The following EXOC4 variants were observed in gnomAD, a reference collection of about 807,000 sequenced individuals.
EXOC4 encodes SEC8-like 1.
EXOC4 carries 71 observed loss-of-function variants against 107.2 expected under a neutral mutation model. The observed-to-expected ratio is 0.66, with a 90% CI of 0.55 to 0.81. EXOC4 has a LOEUF of 0.81. Among genes scored for constraint, EXOC4 ranks in the 30% least tolerant of loss-of-function variants. The probability of loss-of-function intolerance (pLI) is 0.00; values close to 1 mark genes in which losing one functional copy is unlikely to be tolerated. For missense variants in EXOC4, 1,108 were observed against 1,189.6 expected, an observed-to-expected ratio of 0.93 and a Z score of 1.01; for synonymous variants, 456 against 441.2, an observed-to-expected ratio of 1.03 and a Z score of -0.42.
At chr7:133,575,674 G>C (rs1043347127) in intron 9 of EXOC4, among the ~76,000 whole-genome samples, 1 of 152,166 alleles carries the variant, frequency 6.6e-6, no homozygotes, top group Admixed American at 6.5e-5. Context: ...GCACAGCAAA[G>C]CAAAGAGGGT....
intron 11 of EXOC4, among the ~76,000 whole-genome samples, chr7:133,870,244 C>T (rs1024256571): frequency 2.0e-5 from 3 of 152,148 alleles, no homozygotes; most frequent in African/African-American, 7.2e-5. Flanking sequence ...TCACACACAT[C>T]TCCCTACCTC....
chr7:133,983,464 T>G (rs1025382514), intron 14 of EXOC4, among the ~76,000 whole-genome samples: 1 of 152,224 alleles, frequency 6.6e-6, no homozygotes, highest in South Asian at 2.1e-4. Context: ...ACTGCTTTAG[T>G]TCTATTTCCG....
At chr7:133,380,821 A>G (rs1796602744) in intron 7 of EXOC4, among the ~76,000 whole-genome samples, 1 of 152,234 alleles carries the variant, frequency 6.6e-6, no homozygotes, top group South Asian at 2.1e-4. Flanking sequence ...ACAGAGAAAG[A>G]ACATAGAACT....
At chr7:133,954,738 G>A (rs530376840) in intron 14 of EXOC4, among the ~76,000 whole-genome samples, 7 of 152,318 alleles carry the variant, frequency 4.6e-5, no homozygotes, top group African/African-American at 9.6e-5. Context: ...TTGTGCTACC[G>A]GCCTGGATCC....
chr7:133,938,085 G>A lies in EXOC4; in HGVS notation c.2206+16G>A, dbSNP rs755664448. 3 of 1,613,692 alleles carry A rather than the reference G, an allele frequency of 1.9e-6. No homozygotes were observed. The Admixed American group carries it at 5.0e-5, about 27-fold the overall frequency. ...ACATCCCAGAGTAAGTATCTAGTAG[G>A]AAGCTGTTGTGGGGACAGTTGAGGA... is the stretch of plus-strand genomic sequence containing the variant. On this transcript the variant is annotated intron_variant, in intron 14 of 17. Coordinates refer to ENST00000253861, the MANE Select transcript of EXOC4 (RefSeq NM_021807.4).
At chr7:133,934,278 C>A (rs746905237) in intron 13 of EXOC4, among the ~76,000 whole-genome samples, 65 of 152,184 alleles carry the variant, frequency 4.3e-4, no homozygotes, top group Non-Finnish European at 8.7e-4. Flanking sequence ...CTTTGACACA[C>A]ACAAATCCTC....
At chr7:133,964,403 C>T (rs1355630532) in intron 14 of EXOC4, among the ~76,000 whole-genome samples, 3 of 151,894 alleles carry the variant, frequency 2.0e-5, no homozygotes, top group South Asian at 2.1e-4. Context: ...TAGGTATACA[C>T]GGGCCATGGT....
chr7:133,602,707 G>A (rs953321204), intron 9 of EXOC4, among the ~76,000 whole-genome samples: 6 of 152,186 alleles, frequency 3.9e-5, no homozygotes, highest in African/African-American at 1.4e-4. Flanking sequence ...ACAGATTGAG[G>A]AACATGATAT....
chr7:133,462,423 A>C (rs976231981), intron 7 of EXOC4, among the ~76,000 whole-genome samples: 3 of 152,210 alleles, frequency 2.0e-5, no homozygotes, highest in African/African-American at 7.2e-5. Context: ...TCGTAAGACC[A>C]AGGGGAAGTG....
chr7:133,279,464 A>T (rs1371112952), intron 2 of EXOC4, among the ~76,000 whole-genome samples: 3 of 152,198 alleles, frequency 2.0e-5, no homozygotes, highest in Non-Finnish European at 1.5e-5. Context: ...ACCAAGGCAG[A>T]TGAAGATGTT....
intron 12 of EXOC4, among the ~76,000 whole-genome samples, chr7:133,908,392 G>A (rs980457543): frequency 3.3e-5 from 5 of 152,226 alleles, no homozygotes; most frequent in Non-Finnish European, 1.5e-5. Flanking sequence ...CATGTGAAAA[G>A]CACTAGCTCT....
intron 9 of EXOC4, among the ~76,000 whole-genome samples, chr7:133,492,207 A>T (rs555523781): frequency 6.6e-6 from 1 of 152,296 alleles, no homozygotes; most frequent in Admixed American, 6.5e-5. Flanking sequence ...GAGAGCTCAT[A>T]GAAGAATTCT....
At chr7:133,858,156 A>C (rs1798458295) in intron 11 of EXOC4, among the ~76,000 whole-genome samples, 1 of 152,068 alleles carries the variant, frequency 6.6e-6, no homozygotes, top group South Asian at 2.1e-4. Context: ...TTTCGCACCC[A>C]CCATTCGGTG....
At chr7:134,053,096 T>C (rs886997826) in intron 17 of EXOC4, among the ~76,000 whole-genome samples, 4 of 152,172 alleles carry the variant, frequency 2.6e-5, no homozygotes, top group African/African-American at 9.7e-5. Flanking sequence ...TACCGTCTTC[T>C]TAGGCCAAGG....
intron 7 of EXOC4, among the ~76,000 whole-genome samples, chr7:133,394,990 A>G (rs1796938869): frequency 6.6e-6 from 1 of 152,058 alleles, no homozygotes; most frequent in South Asian, 2.1e-4. Flanking sequence ...TATGGTAGTA[A>G]ATTACTTCTG....
At chr7:133,331,796 C>A (rs563022072) in intron 5 of EXOC4, among the ~76,000 whole-genome samples, 106 of 152,220 alleles carry the variant, frequency 7.0e-4, no homozygotes, top group Non-Finnish European at 9.9e-4. Context: ...AGTGGTTGGT[C>A]CAGGTTCAAC....
At chr7:133,955,395 C>G (rs928941720) in intron 14 of EXOC4, among the ~76,000 whole-genome samples, 1 of 152,172 alleles carries the variant, frequency 6.6e-6, no homozygotes, top group African/African-American at 2.4e-5. Context: ...CAGCTCTCAG[C>G]AGAGAGGAGA....
chr7:133,548,287 A>G (rs796954640), intron 9 of EXOC4, among the ~76,000 whole-genome samples: 8 of 152,188 alleles, frequency 5.3e-5, no homozygotes, highest in African/African-American at 1.7e-4. Flanking sequence ...CTCCACTTCT[A>G]TTTATAGAGA....
At chr7:133,323,404 G>T (rs554911482) in intron 5 of EXOC4, among the ~76,000 whole-genome samples, 1 of 152,098 alleles carries the variant, frequency 6.6e-6, no homozygotes, top group Admixed American at 6.5e-5. Flanking sequence ...CTAGTTTATC[G>T]AGAGTTTTTA....
Sources: allele counts gnomAD v4.1 joint callset (sites outside exome capture counted in the v4.1 genomes callset), GRCh38; gene constraint gnomAD v4.1.1; transcripts MANE v1.5; gene names NCBI Gene and HGNC (gene_info 2026-07-23, HGNC 2026-07-21).